The following D2HGDH variants were observed in gnomAD, a reference collection of about 807,000 sequenced individuals.
D2HGDH encodes the protein D-2-hydroxyglutarate dehydrogenase, mitochondrial.
In D2HGDH, 31 loss-of-function variants were observed where a neutral mutation model predicts 46.9. That is an observed-to-expected ratio of 0.66 (90% CI 0.50 to 0.89). The LOEUF (loss-of-function observed/expected upper bound fraction) is 0.89, where lower values mean the gene tolerates loss of function less well. D2HGDH is among the 40% of genes least tolerant of loss of function. The probability of loss-of-function intolerance (pLI) is 0.00; values close to 1 mark genes in which losing one functional copy is unlikely to be tolerated. For missense variants in D2HGDH, 698 were observed against 720.8 expected (o/e 0.97, Z 0.36); for synonymous variants, 364 against 332.6 (o/e 1.09, Z -1.03).
chr2:241,758,634 G>A (rs144308094), intron 9 of D2HGDH, among the ~76,000 whole-genome samples: 1,693 of 152,160 alleles, frequency 0.011, 39 homozygotes, highest in African/African-American at 0.039. Flanking sequence ...TTGTAGGCCC[G>A]GTGCAGTGGT....
At chr2:241,740,839 G>A (rs1019137621) in intron 2 of D2HGDH, among the ~76,000 whole-genome samples, 194 bp from the exon 3 acceptor site, 1 of 152,198 alleles carries the variant, frequency 6.6e-6, no homozygotes, top group Non-Finnish European at 1.5e-5. Flanking sequence ...CAGCTACTTG[G>A]GAGGCTGAGG....
chr2:241,752,775 C>T (rs1223306990), intron 8 of D2HGDH, among the ~76,000 whole-genome samples: 1 of 151,304 alleles, frequency 6.6e-6, no homozygotes, highest in East Asian at 2.0e-4. Context: ...CACACCACCC[C>T]CAGGAGGGCG....
In D2HGDH at chr2:241,735,156, C is replaced by T; in HGVS notation, c.-69C>T. The T allele has an allele frequency of 1.4e-6, 2 of 1,417,078 alleles. No homozygotes were observed. Among genetic ancestry groups the T allele is most frequent in the South Asian group, 1.5e-5 (1 of 67,146 alleles). 87.8% of individuals were successfully genotyped at this position (1,417,078 alleles called of 1,614,324 possible). A position where few individuals can be genotyped will look rare whatever the true frequency, so the allele number is the denominator to read the frequency against. The stretch of plus-strand genomic sequence containing the variant: ...AGGCGCGCAGCCAGCGGCTCCCTGC[C>T]CTTCCCCTCCGGGCCCTGAGTACCG... On this transcript the variant is annotated 5_prime_UTR_variant, in exon 2 of 10. Transcript: ENST00000321264.
chr2:241,764,445 G>A (rs551382552), intron 9 of D2HGDH, among the ~76,000 whole-genome samples: 2 of 152,306 alleles, frequency 1.3e-5, no homozygotes, highest in South Asian at 2.1e-4. Flanking sequence ...CCCACGTGGC[G>A]TCTTCAACAA....
At position 241,735,303 on chromosome 2, in the gene D2HGDH, C is replaced by T. The variant is rs931898018; in HGVS notation, c.79C>T (p.Pro27Ser). 1.3e-6 allele frequency: 2 copies of T among 1,529,242 alleles called. No individual in the cohort carries two copies. Among genetic ancestry groups the T allele is most frequent in the Non-Finnish European group, 1.7e-6 (2 of 1,144,356 alleles). 94.7% of individuals were successfully genotyped at this position (1,529,242 alleles called of 1,614,324 possible). ...GGGAGCCGCGGGTTCTTGGGGTCGG[C>T]CGGTTGGCCCCCTGGCCCGCAGAGG... Reference protein sequence around the residue: ...APGAAGSWGRPVGPLARRGCC... With the variant: ...APGAAGSWGRSVGPLARRGCC... The change falls in exon 2 of 10, where the codon CCG (proline) becomes TCG (serine). Residue 27 changes from proline (P) to serine (S), a missense_variant. Pro to Ser is a moderately conservative substitution (Grantham distance 74). Coordinates refer to ENST00000321264, the MANE Select transcript of D2HGDH (RefSeq NM_152783.5).
chr2:241,752,937 A>C (rs1423419473), intron 8 of D2HGDH, among the ~76,000 whole-genome samples: 7 of 52,076 alleles, frequency 1.3e-4, no homozygotes, highest in Admixed American at 4.6e-4. Context: ...CCCCCACGCC[A>C]CCCCCAGGGC....
At chr2:241,740,242 A>G (rs1694069234) in intron 2 of D2HGDH, among the ~76,000 whole-genome samples, 1 of 151,244 alleles carries the variant, frequency 6.6e-6, no homozygotes, top group Non-Finnish European at 1.5e-5. Context: ...ATAATCAAAG[A>G]TGTTAATGGG....
chr2:241,758,776 T>TGC (rs1410457196), intron 9 of D2HGDH, among the ~76,000 whole-genome samples: 2 of 147,748 alleles, frequency 1.4e-5, no homozygotes, highest in African/African-American at 5.0e-5. Context: ...TATATGTGTG[T>TGC]GTGTGTGTGT....
chr2:241,754,935 G>C (rs999611946), intron 8 of D2HGDH: 1 of 1,065,540 alleles, frequency 9.4e-7, no homozygotes, highest in African/African-American at 1.7e-5. Flanking sequence ...TGAAATGATA[G>C]GGTCTCTGGA....
chr2:241,735,918 A>G (rs2125004764), intron 2 of D2HGDH: 1 of 242,546 alleles, frequency 4.1e-6, no homozygotes, highest in East Asian at 1.3e-4. Flanking sequence ...GCCCGCCACC[A>G]CGTTCCGCTA....
intron 6 of D2HGDH, among the ~76,000 whole-genome samples, chr2:241,748,036 C>A (rs1459611060): frequency 6.6e-6 from 1 of 152,210 alleles, no homozygotes; most frequent in Non-Finnish European, 1.5e-5. Flanking sequence ...GCTAGCGGGG[C>A]AAGGGCTGTC....
intron 8 of D2HGDH, 96 bp downstream of exon 8, chr2:241,751,484 G>C (rs1199152751): frequency 7.8e-6 from 12 of 1,540,836 alleles, no homozygotes; most frequent in Non-Finnish European, 1.1e-5. Context: ...AGCCTAGACA[G>C]TGTGGGATGT....
At chr2:241,763,906 C>T (rs956926347) in intron 9 of D2HGDH, among the ~76,000 whole-genome samples, 1 of 152,120 alleles carries the variant, frequency 6.6e-6, no homozygotes, top group African/African-American at 2.4e-5. Context: ...AATAATCAGC[C>T]AGGCATGGTG....
chr2:241,744,963 G>A, intron 6 of D2HGDH, 86 bp downstream of exon 6: 2 of 1,561,446 alleles, frequency 1.3e-6, no homozygotes, highest in South Asian at 1.1e-5. Flanking sequence ...TGAGGAAGGG[G>A]ATGGAGGGAC....
intron 8 of D2HGDH, chr2:241,755,274 GCCCACCCGCCATGTCCCTGCCT>G (rs1697985254): frequency 1.6e-6 from 2 of 1,290,182 alleles, no homozygotes; most frequent in Admixed American, 4.7e-5. Context: ...CTCCCCTGTG[GCCCACCCGCCATGTCCCTGCCT>G]CCCACCCGAC....
Position 241,751,236 on chromosome 2 carries a change from T to C in D2HGDH, c.998-10T>C. 3 of 1,614,012 alleles carry C rather than the reference T, an allele frequency of 1.9e-6. No individual in the cohort carries two copies. Among genetic ancestry groups the C allele is most frequent in the Non-Finnish European group, 2.5e-6 (3 of 1,180,014 alleles). On this transcript the variant is annotated splice_polypyrimidine_tract_variant and intron_variant, in intron 7 of 9. Transcript: ENST00000321264. ...CCTCTGCTCACTCTGCCTTCCTTGC[T>C]CACTTCTAGAGAGTCCGTTTTACGT... is the stretch of plus-strand genomic sequence containing the variant.
Position 241,751,129 on chromosome 2 carries a change from C to T in D2HGDH, c.998-117C>T, listed in dbSNP as rs1697115313. The T allele has an allele frequency of 6.4e-6, 9 of 1,413,192 alleles. No homozygotes were observed. In the East Asian group the frequency reaches 1.9e-4, roughly 29 times the overall value. The allele number at this position is 1,413,192 out of a possible 1,614,324, so 87.5% of individuals were successfully genotyped here. Reference sequence around the variant, plus strand: ...TGTGTGCTCCGCAGGCTGCCTGGGTCCTTCTTGGCCACGAAAGATCAGTGG... The same window carrying T: ...TGTGTGCTCCGCAGGCTGCCTGGGTTCTTCTTGGCCACGAAAGATCAGTGG... On this transcript the variant is annotated intron_variant, in intron 7 of 9. Transcript: ENST00000321264.
chr2:241,755,172 C>T, intron 8 of D2HGDH: 1 of 1,302,720 alleles, frequency 7.7e-7, no homozygotes, highest in Non-Finnish European at 1.0e-6. Context: ...AGAATCCTTC[C>T]TCCCCCGTGG....
chr2:241,750,679 A>T (rs551949192), intron 7 of D2HGDH, among the ~76,000 whole-genome samples: 1 of 151,958 alleles, frequency 6.6e-6, no homozygotes, highest in Non-Finnish European at 1.5e-5. Context: ...AAAGCCAATA[A>T]TTTTTTGTTG....
Sources: gnomAD v4.1 joint callset for allele counts (sites outside exome capture counted in the v4.1 genomes callset) on GRCh38, gnomAD v4.1.1 for gene constraint, MANE v1.5 for transcripts, NCBI Gene and HGNC (gene_info 2026-07-23, HGNC 2026-07-21) for gene names.